The following WWP2 variants were observed in gnomAD, a reference collection of about 807,000 sequenced individuals.
The protein encoded by WWP2 is WW domain containing E3 ubiquitin protein ligase 2, also known as NEDD4-like E3 ubiquitin-protein ligase WWP2.
In WWP2, 57 loss-of-function variants were observed where a neutral mutation model predicts 121.0. The ratio of observed to expected loss-of-function variants is 0.47; its 90% CI spans 0.38 to 0.59. The LOEUF (loss-of-function observed/expected upper bound fraction) is 0.59. WWP2 is among the 20% of genes least tolerant of loss of function. The pLI is 0.00. For missense variants in WWP2, 962 were observed against 1,158.9 expected, an observed-to-expected ratio of 0.83 and a Z score of 2.47; for synonymous variants, 449 against 441.3, an observed-to-expected ratio of 1.02 and a Z score of -0.22.
At chr16:69,929,765 G>A (rs1366165256) in intron 12 of WWP2, among the ~76,000 whole-genome samples, 1 of 152,230 alleles carries the variant, frequency 6.6e-6, no homozygotes, top group East Asian at 1.9e-4. Flanking sequence ...GCTGGCGGGT[G>A]TTGCTGGTCT....
intron 9 of WWP2, among the ~76,000 whole-genome samples, chr16:69,910,883 G>A (rs2058369763): frequency 6.6e-6 from 1 of 152,174 alleles, no homozygotes; most frequent in Admixed American, 6.5e-5. Flanking sequence ...TCTTATTTCA[G>A]GGTAGTTTTC....
chr16:69,853,642 G>T (rs1231022539), intron 6 of WWP2, among the ~76,000 whole-genome samples: 9 of 152,192 alleles, frequency 5.9e-5, no homozygotes, highest in Non-Finnish European at 2.9e-5. Context: ...AGGGACTGAC[G>T]AAGAGGACTG....
At chr16:69,801,073 C>T (rs765883152) in intron 4 of WWP2, among the ~76,000 whole-genome samples, 2 of 147,406 alleles carry the variant, frequency 1.4e-5, no homozygotes, top group Non-Finnish European at 3.0e-5. Context: ...CCTGTAATCC[C>T]GGCTACTCAG....
chr16:69,909,690 A>C, intron 9 of WWP2: 2 of 985,384 alleles, frequency 2.0e-6, no homozygotes, highest in Non-Finnish European at 2.4e-6. Flanking sequence ...AAAGTTAAAC[A>C]TGGACTTCTC....
At chr16:69,933,736 C>A (rs983495406) in intron 16 of WWP2, among the ~76,000 whole-genome samples, 16 of 152,080 alleles carry the variant, frequency 1.1e-4, no homozygotes, top group Non-Finnish European at 2.4e-4. Context: ...ACACGTTTTC[C>A]CAAATATCAT....
intron 10 of WWP2, among the ~76,000 whole-genome samples, chr16:69,924,517 G>A (rs1468640648): frequency 2.6e-5 from 4 of 151,970 alleles, no homozygotes; most frequent in Non-Finnish European, 4.4e-5. Context: ...CCCCTTCCCC[G>A]CAGGATATGA....
chr16:69,803,586 G>T (rs565864306), intron 4 of WWP2, among the ~76,000 whole-genome samples: 110 of 151,884 alleles, frequency 7.2e-4, no homozygotes, highest in Middle Eastern at 3.4e-3. Context: ...CTGCTTTTTT[G>T]TGTGTGTGTG....
At chr16:69,849,663 C>G (rs1478142841) in intron 6 of WWP2, among the ~76,000 whole-genome samples, 1 of 152,084 alleles carries the variant, frequency 6.6e-6, no homozygotes, top group African/African-American at 2.4e-5. Context: ...GTAATCATGG[C>G]TGGGCATGGT....
intron 8 of WWP2, among the ~76,000 whole-genome samples, chr16:69,901,179 G>A (rs1240541942): frequency 6.6e-6 from 1 of 152,124 alleles, no homozygotes; most frequent in South Asian, 2.1e-4. Context: ...GGTTCTCCCC[G>A]GAAGTGGCCA....
intron 6 of WWP2, among the ~76,000 whole-genome samples, chr16:69,848,141 CTTAG>C (rs1264872272): frequency 6.6e-6 from 1 of 152,132 alleles, no homozygotes; most frequent in Non-Finnish European, 1.5e-5. Flanking sequence ...CATAAGGGAT[CTTAG>C]TTAAGAAGCT....
At chr16:69,871,568 T>C (rs1184157349) in intron 6 of WWP2, 4 of 461,196 alleles carry the variant, frequency 8.7e-6, no homozygotes, top group Admixed American at 4.0e-5. Context: ...CTGGATTTGT[T>C]TACTTGAAGT....
At chr16:69,770,292 C>G (rs1380548940) in intron 1 of WWP2, among the ~76,000 whole-genome samples, 2 of 152,194 alleles carry the variant, frequency 1.3e-5, no homozygotes, top group Non-Finnish European at 2.9e-5. Context: ...CACACCCAGC[C>G]TCTGGGACAG....
chr16:69,913,391 A>G (rs1241726221), intron 9 of WWP2, among the ~76,000 whole-genome samples: 1 of 151,746 alleles, frequency 6.6e-6, no homozygotes, highest in East Asian at 2.0e-4. Flanking sequence ...GTTCCCAGCT[A>G]CTTGGGAGGC....
chr16:69,763,840 G>A (rs1050174453), intron 1 of WWP2, among the ~76,000 whole-genome samples: 4 of 152,196 alleles, frequency 2.6e-5, no homozygotes, highest in Admixed American at 6.6e-5. Context: ...TCACACCGGC[G>A]TAAGTGGTGA....
At chr16:69,936,192 G>T (rs1597189376) in intron 18 of WWP2, 120 bp from the exon 19 acceptor site, 1 of 1,503,266 alleles carries the variant, frequency 6.7e-7, no homozygotes, top group Non-Finnish European at 9.0e-7. Flanking sequence ...GCTGTCCCCT[G>T]TCACTGTTCA....
At chr16:69,782,844 A>G (rs1471512002) in intron 1 of WWP2, among the ~76,000 whole-genome samples, 1 of 152,104 alleles carries the variant, frequency 6.6e-6, no homozygotes, top group Admixed American at 6.6e-5. Context: ...TGAAATTTAA[A>G]TTATAAAATA....
At chr16:69,933,132 C>T in intron 16 of WWP2, 1 of 510,514 alleles carries the variant, frequency 2.0e-6, no homozygotes, top group Non-Finnish European at 4.0e-6. Flanking sequence ...TAGGTTACGT[C>T]ATGCTGTTCT....
intron 8 of WWP2, among the ~76,000 whole-genome samples, chr16:69,905,655 C>T (rs1166792111): frequency 1.3e-5 from 2 of 152,214 alleles, no homozygotes; most frequent in African/African-American, 4.8e-5. Flanking sequence ...GGCTACTCAA[C>T]CTGTATAATT....
rs201204671 is a variant in WWP2, at chr16:69,917,906, C to T, written c.1179+23C>T. 9 of 1,598,368 alleles carry T rather than the reference C, an allele frequency of 5.6e-6. 1 individual carries two copies. Among genetic ancestry groups the T allele is most frequent in the African/African-American group, 4.0e-5 (3 of 74,618 alleles). On this transcript the variant is annotated intron_variant, in intron 10 of 23. Coordinates refer to ENST00000359154, the MANE Select transcript of WWP2 (RefSeq NM_001270454.2). ...CAGGTGAGAGGGCAGGCGCTTGGCC[C>T]GAGGTGGGGCCGCCTCCCTGCGCTT...
Sources: gnomAD v4.1 joint callset for allele counts (sites outside exome capture counted in the v4.1 genomes callset) on GRCh38, gnomAD v4.1.1 for gene constraint, MANE v1.5 for transcripts, NCBI Gene and HGNC (gene_info 2026-07-23, HGNC 2026-07-21) for gene names.